Variants in ALMS1 observed in about 807,000 individuals in gnomAD.
The protein encoded by ALMS1 is ALMS1 centrosome and basal body associated protein.
ALMS1 carries 271 observed loss-of-function variants against 352.2 expected under a neutral mutation model. The ratio of observed to expected loss-of-function variants is 0.77; its 90% CI spans 0.70 to 0.85. ALMS1 has a LOEUF of 0.85. Among genes scored for constraint, ALMS1 ranks in the 40% least tolerant of loss-of-function variants. The pLI is 0.00. For missense variants in ALMS1, 5,445 were observed against 4,870.7 expected, an observed-to-expected ratio of 1.12 and a Z score of -3.51; for synonymous variants, 1,865 against 1,761.2, an observed-to-expected ratio of 1.06 and a Z score of -1.48.
chr2:73,473,456 G>A (rs1306987775), intron 9 of ALMS1, among the ~76,000 whole-genome samples: 1 of 152,042 alleles, frequency 6.6e-6, no homozygotes, highest in Non-Finnish European at 1.5e-5. Context: ...GGAGAATCCA[G>A]TATCCAGAGT....
At chr2:73,564,465 C>CAAAAA (rs367797062) in intron 15 of ALMS1, among the ~76,000 whole-genome samples, 5 of 63,354 alleles carry the variant, frequency 7.9e-5, no homozygotes, top group East Asian at 4.2e-4. Flanking sequence ...GACTCCGTCT[C>CAAAAA]AAAAAAAAAA....
At chr2:73,439,019 CCTT>C (rs1671661671) in intron 7 of ALMS1, among the ~76,000 whole-genome samples, 1 of 151,496 alleles carries the variant, frequency 6.6e-6, no homozygotes. Context: ...TCCTCCTCCT[CCTT>C]TTTTTCTTCT....
chr2:73,531,457 G>C (rs1237856115), intron 11 of ALMS1, among the ~76,000 whole-genome samples: 1 of 152,146 alleles, frequency 6.6e-6, no homozygotes, highest in Non-Finnish European at 1.5e-5. Flanking sequence ...ACCTCAACCT[G>C]GACTTCATTG....
At chr2:73,466,536 A>T (rs914317443) in intron 9 of ALMS1, among the ~76,000 whole-genome samples, 6 of 151,478 alleles carry the variant, frequency 4.0e-5, no homozygotes, top group Non-Finnish European at 7.4e-5. Flanking sequence ...GATATACCTA[A>T]TGTTAAATGA....
intron 1 of ALMS1, among the ~76,000 whole-genome samples, chr2:73,401,354 A>G (rs1348223110): frequency 6.6e-6 from 1 of 152,100 alleles, no homozygotes; most frequent in East Asian, 1.9e-4. Context: ...CCTAATATAT[A>G]CATTCGGTGT....
At chr2:73,517,439 G>A (rs573529735) in intron 10 of ALMS1, among the ~76,000 whole-genome samples, 6 of 151,028 alleles carry the variant, frequency 4.0e-5, no homozygotes, top group East Asian at 2.0e-4. Flanking sequence ...TTGTAGAGAC[G>A]ATCTTGCTGC....
At chr2:73,434,545 A>G (rs1671570560) in intron 7 of ALMS1, among the ~76,000 whole-genome samples, 1 of 152,154 alleles carries the variant, frequency 6.6e-6, no homozygotes, top group African/African-American at 2.4e-5. Flanking sequence ...ACTTGAGAAG[A>G]ATGTGTATTC....
At chr2:73,479,594 G>A (rs1015518154) in intron 9 of ALMS1, among the ~76,000 whole-genome samples, 1 of 152,120 alleles carries the variant, frequency 6.6e-6, no homozygotes, top group Non-Finnish European at 1.5e-5. Context: ...TCCAAAGTAT[G>A]AATGCACCAC....
intron 9 of ALMS1, among the ~76,000 whole-genome samples, chr2:73,473,954 C>T (rs756278883): frequency 1.3e-5 from 2 of 151,030 alleles, no homozygotes; most frequent in African/African-American, 2.4e-5. Flanking sequence ...GAGAAAGGGG[C>T]GGTAATAATA....
At chr2:73,386,390 G>C (rs1338641273) in intron 1 of ALMS1, among the ~76,000 whole-genome samples, 198 bp downstream of exon 1, 1 of 152,176 alleles carries the variant, frequency 6.6e-6, no homozygotes, top group Non-Finnish European at 1.5e-5. Context: ...AAGACTTCTC[G>C]TTTCCTCCCC....
chr2:73,507,041 G>A (rs1441401113), intron 10 of ALMS1, among the ~76,000 whole-genome samples: 1 of 151,946 alleles, frequency 6.6e-6, no homozygotes, highest in African/African-American at 2.4e-5. Context: ...ATAATCATGT[G>A]GTTTTTTGTT....
At chr2:73,406,874 G>A (rs1287847097) in intron 1 of ALMS1, among the ~76,000 whole-genome samples, 4 of 152,262 alleles carry the variant, frequency 2.6e-5, no homozygotes, top group Admixed American at 2.6e-4. Flanking sequence ...TGATCCACTT[G>A]CCTTGCCTCC....
chr2:73,462,399 C>T (rs1299042299), intron 9 of ALMS1, among the ~76,000 whole-genome samples: 1 of 152,220 alleles, frequency 6.6e-6, no homozygotes, highest in South Asian at 2.1e-4. Flanking sequence ...TACAGACAAG[C>T]AAATGCTGAG....
chr2:73,465,186 C>T (rs1160017836), intron 9 of ALMS1, among the ~76,000 whole-genome samples: 3 of 152,074 alleles, frequency 2.0e-5, no homozygotes, highest in East Asian at 3.9e-4. Flanking sequence ...CCAAGTCAAT[C>T]CTAAGCCAAA....
At chr2:73,395,870 A>T (rs1370987264) in intron 1 of ALMS1, among the ~76,000 whole-genome samples, 1 of 152,146 alleles carries the variant, frequency 6.6e-6, no homozygotes, top group Non-Finnish European at 1.5e-5. Flanking sequence ...TCCTGATCTT[A>T]GGGCAGGGGT....
At chr2:73,461,502 C>G (rs368840727) in intron 9 of ALMS1, among the ~76,000 whole-genome samples, 1 of 152,152 alleles carries the variant, frequency 6.6e-6, no homozygotes, top group Non-Finnish European at 1.5e-5. Flanking sequence ...CACAAAGATG[C>G]AGAAAAAACA....
chr2:73,426,983 T>C (rs373563499), intron 6 of ALMS1, among the ~76,000 whole-genome samples: 41 of 152,324 alleles, frequency 2.7e-4, no homozygotes, highest in African/African-American at 9.4e-4. Context: ...GAGGTTGGTA[T>C]AAAAGAAATG....
chr2:73,594,407 A>G (rs761624831), intron 16 of ALMS1, among the ~76,000 whole-genome samples: 1 of 152,266 alleles, frequency 6.6e-6, no homozygotes, highest in Non-Finnish European at 1.5e-5. Flanking sequence ...AAGGCTCCTC[A>G]TATAATCCAG....
chr2:73,551,422 A>G (rs1414128484), intron 13 of ALMS1, among the ~76,000 whole-genome samples: 1 of 132,162 alleles, frequency 7.6e-6, no homozygotes, highest in Non-Finnish European at 1.6e-5. Flanking sequence ...TTTGAGTTTC[A>G]ATCTTTTTTT....
Sources: gnomAD v4.1 joint callset for allele counts (sites outside exome capture counted in the v4.1 genomes callset) on GRCh38, gnomAD v4.1.1 for gene constraint, MANE v1.5 for transcripts, NCBI Gene and HGNC (gene_info 2026-07-23, HGNC 2026-07-21) for gene names.